Variants in RASGRP1 observed in about 807,000 individuals in gnomAD.
The protein encoded by RASGRP1 is RAS guanyl-releasing protein 1.
In RASGRP1, 37 loss-of-function variants were observed where a neutral mutation model predicts 95.1. The observed-to-expected ratio is 0.39, with a 90% CI of 0.30 to 0.51. The LOEUF is 0.51. Ranked by LOEUF, RASGRP1 falls within the 20% of genes least tolerant of loss-of-function variation. The pLI is 0.80. For synonymous variants in RASGRP1, 325 were observed against 353.4 expected (o/e 0.92, Z 0.90); for missense variants, 711 against 965.4 (o/e 0.74, Z 3.49).
intron 16 of RASGRP1, among the ~76,000 whole-genome samples, chr15:38,492,147 T>TAA (rs1270287567): frequency 3.3e-5 from 5 of 152,368 alleles, no homozygotes; most frequent in African/African-American, 1.2e-4. Context: ...TGGCAGTTTC[T>TAA]ATCCCTAAAG....
At chr15:38,513,430 G>C (rs993948001) in intron 6 of RASGRP1, among the ~76,000 whole-genome samples, 2 of 152,194 alleles carry the variant, frequency 1.3e-5, no homozygotes, top group Admixed American at 1.3e-4. Context: ...TTGTTATGAA[G>C]ATCAAAGAAG....
At chr15:38,499,316 A>G (rs1270433070) in intron 14 of RASGRP1, 4 of 373,732 alleles carry the variant, frequency 1.1e-5, no homozygotes, top group Admixed American at 3.7e-5. Flanking sequence ...TCACTCCTGA[A>G]TTCTCCTAGT....
chr15:38,536,745 T>A (rs190828429), intron 2 of RASGRP1, among the ~76,000 whole-genome samples: 1 of 152,348 alleles, frequency 6.6e-6, no homozygotes, highest in Non-Finnish European at 1.5e-5. Context: ...AGTCTTATTG[T>A]AAAATATGCT....
chr15:38,538,474 G>A (rs1391526443), intron 2 of RASGRP1, among the ~76,000 whole-genome samples: 1 of 152,190 alleles, frequency 6.6e-6, no homozygotes. Flanking sequence ...CTACATTCAA[G>A]GTTTAGCCAC....
At position 38,489,419 on chromosome 15, in the gene RASGRP1, C is replaced by A. The variant is rs1300402903; in HGVS notation, c.*1135G>T. On this transcript the variant is annotated 3_prime_UTR_variant, in exon 17 of 17. Transcript: ENST00000310803. ...AATTTTACCTTGTGAGCAATTTAAT[C>A]TTGTGACAAACTGAACTTTATATTT... 1 of 152,196 alleles carries A rather than the reference C, an allele frequency of 6.6e-6. No homozygotes were observed. The highest frequency in any genetic ancestry group is 6.6e-5 in the Admixed American group (1 of 15,258). 9.4% of individuals were successfully genotyped at this position (152,196 alleles called of 1,614,324 possible).
chr15:38,524,974 T>C lies in RASGRP1; in HGVS notation c.326+1325A>G, dbSNP rs536284242. Reference sequence around the variant, plus strand: ...CCCCGAGGTACAATTTTCTTTCTTTTTTTTTTTTTTTGAGACAGAGTCTCA... The same window carrying C: ...CCCCGAGGTACAATTTTCTTTCTTTCTTTTTTTTTTTGAGACAGAGTCTCA... On this transcript the variant is annotated intron_variant, in intron 3 of 16. Transcript: ENST00000310803. Among the ~76,000 whole-genome samples, 618 of 150,670 alleles carry C rather than the reference T, an allele frequency of 4.1e-3. 4 individuals are homozygous for C. The highest frequency in any genetic ancestry group is 7.4e-3 in the Non-Finnish European group (500 of 67,464).
intron 8 of RASGRP1, 45 bp downstream of exon 8, chr15:38,511,559 C>T (rs751561373): frequency 6.8e-7 from 1 of 1,460,124 alleles, no homozygotes; most frequent in Non-Finnish European, 9.6e-7. Context: ...TGGCACACAT[C>T]TTGAGAATGC....
intron 1 of RASGRP1, among the ~76,000 whole-genome samples, chr15:38,563,508 C>A (rs1439487279): frequency 2.0e-5 from 3 of 152,172 alleles, no homozygotes; most frequent in African/African-American, 4.8e-5. Context: ...TTTATGAAAT[C>A]CGCCTAGAAA....
At chr15:38,529,084 C>A (rs1689153697) in intron 2 of RASGRP1, among the ~76,000 whole-genome samples, 1 of 152,322 alleles carries the variant, frequency 6.6e-6, no homozygotes, top group South Asian at 2.1e-4. Flanking sequence ...CAATATATAT[C>A]TCAAACCTGT....
Position 38,560,455 on chromosome 15 carries a change from G to T in RASGRP1, c.36-450C>A, listed in dbSNP as rs192870344. Among the ~76,000 whole-genome samples the T allele has an allele frequency of 1.5e-3, 235 of 152,328 alleles. 1 individual carries two copies. Among genetic ancestry groups the T allele is most frequent in the Non-Finnish European group, 2.8e-3 (188 of 68,032 alleles). On this transcript the variant is annotated intron_variant, in intron 1 of 16. Transcript: ENST00000310803. ...CCAGCACCTTGGGAGGCCAAGGCGGGTGTATCACCTGAGGTCGGGAGTTCG... is the reference window on the plus strand; with the variant it reads ...CCAGCACCTTGGGAGGCCAAGGCGGTTGTATCACCTGAGGTCGGGAGTTCG...
At chr15:38,505,943 G>A in intron 9 of RASGRP1, 23 bp from the exon 10 acceptor site, 1 of 1,566,466 alleles carries the variant, frequency 6.4e-7, no homozygotes, top group Non-Finnish European at 8.8e-7. Flanking sequence ...GCAGAACAGG[G>A]TTCATTGCTA....
At chr15:38,492,090 C>G (rs1310377970) in intron 16 of RASGRP1, among the ~76,000 whole-genome samples, 1 of 152,124 alleles carries the variant, frequency 6.6e-6, no homozygotes, top group South Asian at 2.1e-4. Context: ...TCTATTCTAC[C>G]GAGTTCATTT....
At chr15:38,518,456 A>T in intron 4 of RASGRP1, 33 bp from the exon 5 acceptor site, 1 of 1,580,124 alleles carries the variant, frequency 6.3e-7, no homozygotes, top group Non-Finnish European at 8.6e-7. Flanking sequence ...CACAATCCAA[A>T]ACTGATACCA....
At chr15:38,517,468 G>C (rs970396525) in intron 5 of RASGRP1, among the ~76,000 whole-genome samples, 1 of 152,146 alleles carries the variant, frequency 6.6e-6, no homozygotes, top group Non-Finnish European at 1.5e-5. Flanking sequence ...TGGGGCTCTG[G>C]AATGTAATCT....
At chr15:38,493,579 T>TATCAG (rs1890680933) in intron 16 of RASGRP1, among the ~76,000 whole-genome samples, 2 of 152,214 alleles carry the variant, frequency 1.3e-5, no homozygotes, top group Admixed American at 1.3e-4. Flanking sequence ...TCTTTTCCAT[T>TATCAG]GTCTCTGTTA....
intron 3 of RASGRP1, among the ~76,000 whole-genome samples, chr15:38,523,725 T>C (rs1032054464): frequency 6.6e-6 from 1 of 152,166 alleles, no homozygotes; most frequent in Admixed American, 6.5e-5. Flanking sequence ...TTATACCATA[T>C]TTTTACTGTA....
At position 38,542,905 on chromosome 15, in the gene RASGRP1, ACACATATATATG is replaced by A. The variant is rs1892957353; in HGVS notation, c.221-16513_221-16502del. 2.0e-4 allele frequency among the ~76,000 whole-genome samples: 28 copies of A among 142,382 alleles called. No individual in the cohort carries two copies. The South Asian group carries it at 5.7e-3, about 29-fold the overall frequency. The allele number at this position is 142,382 out of a possible 152,430, so 93.4% of individuals were successfully genotyped here. Reference sequence around the variant, plus strand: ...TATACACATATATGTGTATATATATACACATATATATGTGTGTATATATATGTGTGTGTATAT... The same window carrying A: ...TATACACATATATGTGTATATATATATGTGTATATATATGTGTGTGTATAT... On this transcript the variant is annotated intron_variant, in intron 2 of 16. Transcript: ENST00000310803.
intron 8 of RASGRP1, among the ~76,000 whole-genome samples, chr15:38,508,670 G>T (rs1002647537): frequency 3.9e-5 from 6 of 152,196 alleles, no homozygotes; most frequent in Non-Finnish European, 7.3e-5. Flanking sequence ...AAGGACAGGA[G>T]AGAGGACATT....
intron 4 of RASGRP1, 107 bp from the exon 5 acceptor site, chr15:38,518,530 C>T: frequency 8.1e-7 from 1 of 1,241,316 alleles, no homozygotes; most frequent in African/African-American, 1.5e-5. Context: ...CAGAAAAAGA[C>T]AAAGTCTGAT....
Sources: allele counts gnomAD v4.1 joint callset (sites outside exome capture counted in the v4.1 genomes callset), GRCh38; gene constraint gnomAD v4.1.1; transcripts MANE v1.5; gene names NCBI Gene and HGNC (gene_info 2026-07-23, HGNC 2026-07-21).